CDH7: variants seen among roughly 807,000 people sequenced by gnomAD.
The protein encoded by CDH7 is cadherin 7.
In CDH7, 25 loss-of-function variants were observed where a neutral mutation model predicts 71.8. The observed-to-expected ratio is 0.35, with a 90% CI of 0.25 to 0.49. The LOEUF (loss-of-function observed/expected upper bound fraction) is 0.49. Among genes scored for constraint, CDH7 ranks in the 20% least tolerant of loss-of-function variants. The pLI, the probability that CDH7 is intolerant of heterozygous loss-of-function variation, is 0.99. For missense variants in CDH7, 862 were observed against 974.6 expected, an observed-to-expected ratio of 0.88 and a Z score of 1.54; for synonymous variants, 381 against 363.8, an observed-to-expected ratio of 1.05 and a Z score of -0.54.
intron 7 of CDH7, among the ~76,000 whole-genome samples, chr18:65,852,411 G>A (rs1913182633): frequency 1.3e-5 from 2 of 152,124 alleles, no homozygotes; most frequent in Non-Finnish European, 2.9e-5. Context: ...GAAGTCTGGA[G>A]CTATGCTTTC....
chr18:65,822,924 T>C (rs1911988438), intron 5 of CDH7, among the ~76,000 whole-genome samples: 1 of 152,082 alleles, frequency 6.6e-6, no homozygotes, highest in African/African-American at 2.4e-5. Context: ...AAACGTTTCA[T>C]CTCACTCTCT....
intron 2 of CDH7, among the ~76,000 whole-genome samples, chr18:65,802,928 C>T (rs559547938): frequency 6.6e-6 from 1 of 152,270 alleles, no homozygotes; most frequent in South Asian, 2.1e-4. Context: ...GTCATAGGCA[C>T]AGATCCTTGG....
chr18:65,854,132 C>G (rs963856323), intron 7 of CDH7, among the ~76,000 whole-genome samples: 4 of 150,788 alleles, frequency 2.7e-5, no homozygotes, highest in African/African-American at 9.8e-5. Flanking sequence ...ATAGTGAGAC[C>G]GTATCTCTAC....
intron 1 of CDH7, among the ~76,000 whole-genome samples, chr18:65,762,237 A>G (rs916127943): frequency 6.6e-6 from 1 of 152,290 alleles, no homozygotes; most frequent in Middle Eastern, 3.4e-3. Flanking sequence ...TTCTGCTTTG[A>G]GTTGCTTTGC....
intron 10 of CDH7, among the ~76,000 whole-genome samples, chr18:65,861,655 G>A (rs1372473688): frequency 1.3e-5 from 2 of 152,026 alleles, no homozygotes; most frequent in African/African-American, 2.4e-5. Flanking sequence ...TTCTATAATT[G>A]CATGTAATAC....
At chr18:65,760,494 CATAAAGTAGCCTAAATGGT>C (rs1916159773) in intron 1 of CDH7, among the ~76,000 whole-genome samples, 1 of 152,276 alleles carries the variant, frequency 6.6e-6, no homozygotes, top group Middle Eastern at 3.4e-3. Context: ...CCCCTCAATC[CATAAAGTAGCCTAAATGGT>C]ATAATTTTGC....
chr18:65,862,782 A>C lies in CDH7; in HGVS notation c.1729A>C (p.Thr577Pro). Residue 577 changes from threonine to proline, a missense_variant, in exon 11 of 12, where the codon ACC (threonine) becomes CCC (proline). Thr to Pro is a conservative substitution (Grantham distance 38, BLOSUM62 -1). Transcript: ENST00000397968. ...ATCTCCCTCACTTAGCAGCACCAAC[A>C]CCCTCACCATCCGCGTGTGTGACTG... ...SGSPSLSSTN[T>P]LTIRVCDCDA... 1 of 1,614,008 alleles carries C rather than the reference A, an allele frequency of 6.2e-7. No homozygotes were observed. Among genetic ancestry groups the C allele is most frequent in the Non-Finnish European group, 8.5e-7 (1 of 1,179,966 alleles).
chr18:65,750,842 C>T (rs1021717577), upstream of CDH7: 2 of 152,330 alleles, frequency 1.3e-5, no homozygotes, highest in Non-Finnish European at 2.9e-5. Context: ...GCTCCGGACC[C>T]TGCGTCTCAG....
intron 2 of CDH7, among the ~76,000 whole-genome samples, chr18:65,773,601 A>G (rs976259190): frequency 2.6e-5 from 4 of 152,048 alleles, no homozygotes; most frequent in Middle Eastern, 3.2e-3. Context: ...CTATTTCCTC[A>G]TTTTTTTCAT....
chr18:65,791,073 T>G (rs1910696640), intron 2 of CDH7, among the ~76,000 whole-genome samples: 1 of 152,212 alleles, frequency 6.6e-6, no homozygotes, highest in Admixed American at 6.5e-5. Flanking sequence ...TCGTGAATAT[T>G]TTTACTTATG....
At chr18:65,870,570 A>G (rs1913899193) in intron 11 of CDH7, among the ~76,000 whole-genome samples, 1 of 152,170 alleles carries the variant, frequency 6.6e-6, no homozygotes, top group South Asian at 2.1e-4. Flanking sequence ...TCTCTAAGGT[A>G]TCAGGCTGTC....
chr18:65,802,036 G>A (rs972034801), intron 2 of CDH7, among the ~76,000 whole-genome samples: 5 of 152,186 alleles, frequency 3.3e-5, no homozygotes, highest in African/African-American at 1.2e-4. Context: ...ATTGCTCTCT[G>A]CCTTCATTGT....
chr18:65,766,354 A>G (rs1008537687), intron 2 of CDH7, among the ~76,000 whole-genome samples: 1 of 152,168 alleles, frequency 6.6e-6, no homozygotes, highest in African/African-American at 2.4e-5. Flanking sequence ...TGAGGCTACA[A>G]TATGGCTTTC....
At chr18:65,855,911 A>G (rs2144023541) in intron 7 of CDH7, among the ~76,000 whole-genome samples, 1 of 152,310 alleles carries the variant, frequency 6.6e-6, no homozygotes, top group Middle Eastern at 3.4e-3. Context: ...TCCCAGAAGC[A>G]TAAGATTGGT....
chr18:65,862,832 C>G lies in CDH7; in HGVS notation c.1779C>G (p.Thr593=). The change falls in exon 11 of 12, where the codon ACC becomes ACG. Residue 593 remains threonine (T), a synonymous_variant. Coordinates refer to ENST00000397968, the MANE Select transcript of CDH7 (RefSeq NM_004361.5). ...CDCDADGVAQ[T]CNAEAYVLPA... is the part of the protein sequence containing the mutation. Reference sequence around the variant, plus strand: ...GTGATGCTGACGGCGTAGCCCAGACCTGCAATGCAGAGGCCTATGTCCTAC... The same window carrying G: ...GTGATGCTGACGGCGTAGCCCAGACGTGCAATGCAGAGGCCTATGTCCTAC... 6.2e-7 allele frequency: 1 copy of G among 1,614,164 alleles called. No homozygotes were observed. Among genetic ancestry groups the G allele is most frequent in the African/African-American group, 1.3e-5 (1 of 75,060 alleles).
intron 2 of CDH7, among the ~76,000 whole-genome samples, chr18:65,775,015 C>T (rs985953956): frequency 2.6e-5 from 4 of 151,988 alleles, no homozygotes; most frequent in African/African-American, 4.8e-5. Flanking sequence ...ATTGAAGATC[C>T]AGACAGGAAA....
At chr18:65,855,425 A>G (rs1913319660) in intron 7 of CDH7, among the ~76,000 whole-genome samples, 1 of 151,962 alleles carries the variant, frequency 6.6e-6, no homozygotes, top group African/African-American at 2.4e-5. Context: ...CAAACATAAA[A>G]TGCAGAATAA....
intron 1 of CDH7, among the ~76,000 whole-genome samples, chr18:65,759,205 C>A (rs1466936833): frequency 6.6e-6 from 1 of 151,392 alleles, no homozygotes; most frequent in East Asian, 1.9e-4. Flanking sequence ...TTTTACATTC[C>A]TATAACTTCC....
chr18:65,844,102 A>C, intron 7 of CDH7, 37 bp downstream of exon 7: 1 of 1,589,464 alleles, frequency 6.3e-7, no homozygotes, highest in East Asian at 2.2e-5. Context: ...ATGGTTTTAC[A>C]AACAATGCAT....
Sources: gnomAD v4.1 joint callset for allele counts (sites outside exome capture counted in the v4.1 genomes callset) on GRCh38, gnomAD v4.1.1 for gene constraint, MANE v1.5 for transcripts, NCBI Gene and HGNC (gene_info 2026-07-23, HGNC 2026-07-21) for gene names.